CELF2: variants seen among roughly 807,000 people sequenced by gnomAD.
CELF2 encodes CUGBP Elav-like family member 2, also known as CUG triplet repeat RNA-binding protein 2.
Under a neutral mutation model 62.6 loss-of-function variants are expected in CELF2, and 8 were observed. The observed-to-expected ratio is 0.13, with a 90% CI of 0.07 to 0.23. CELF2 has a LOEUF of 0.23. Among genes scored for constraint, CELF2 ranks in the 10% least tolerant of loss-of-function variants. The pLI is 1.00. For synonymous variants in CELF2, 258 were observed against 250.0 expected (o/e 1.03, Z -0.30); for missense variants, 333 against 671.0 (o/e 0.50, Z 5.56).
intron 1 of CELF2, among the ~76,000 whole-genome samples, chr10:11,064,706 T>C (rs1189874518): frequency 6.6e-6 from 1 of 152,104 alleles, no homozygotes; most frequent in Non-Finnish European, 1.5e-5. Context: ...AATCTTGATA[T>C]ATAGAGCAGG....
chr10:10,955,407 G>A (rs1000705680), intron 2 of CELF2, among the ~76,000 whole-genome samples: 2 of 152,222 alleles, frequency 1.3e-5, no homozygotes, highest in Non-Finnish European at 2.9e-5. Flanking sequence ...GCCCAACCCA[G>A]ATCTATTGAA....
Position 11,128,798 on chromosome 10 carries a change from A to G in CELF2, c.75-36688A>G, listed in dbSNP as rs530474634. Among the ~76,000 whole-genome samples, 3 of 152,288 alleles carry G rather than the reference A, an allele frequency of 2.0e-5. No individual in the cohort carries two copies. The East Asian group carries it at 5.8e-4, about 29-fold the overall frequency. On this transcript the variant is annotated intron_variant, in intron 1 of 12. Coordinates refer to ENST00000633077, the MANE Select transcript of CELF2 (RefSeq NM_001326342.2). ...TTGGGCTGAGATGATGGGGTGTTCT[A>G]GATATACAATCATGTCGTCTGCAAA...
chr10:10,753,366 A>G, the CELF2 span, among the ~76,000 whole-genome samples: 322 of 151,196 alleles, frequency 2.1e-3, no homozygotes, highest in African/African-American at 7.4e-3. Context: ...TTGCTTCTCT[A>G]TTTGTGCGTG....
At chr10:10,696,938 GT>G in the CELF2 span, among the ~76,000 whole-genome samples, 1 of 152,144 alleles carries the variant, frequency 6.6e-6, no homozygotes, top group Non-Finnish European at 1.5e-5. Flanking sequence ...GAAATCACCC[GT>G]CTTCTGCGTC....
chr10:10,619,534 C>T, the CELF2 span, among the ~76,000 whole-genome samples: 2 of 152,152 alleles, frequency 1.3e-5, no homozygotes, highest in Admixed American at 6.6e-5. Flanking sequence ...CAAAGATGGA[C>T]GTGGAGGTCT....
intron 1 of CELF2, among the ~76,000 whole-genome samples, chr10:10,912,225 C>T (rs757192752): frequency 3.0e-4 from 46 of 152,268 alleles, no homozygotes; most frequent in Non-Finnish European, 4.6e-4. Flanking sequence ...CCAGGACCAC[C>T]CTGCATAAAA....
intron 1 of CELF2, among the ~76,000 whole-genome samples, chr10:10,834,339 C>G (rs1053902065): frequency 6.6e-6 from 1 of 151,992 alleles, no homozygotes; most frequent in African/African-American, 2.4e-5. Context: ...GGGAGAGGCT[C>G]AGGAAAAATA....
At chr10:10,608,042 C>T in the CELF2 span, among the ~76,000 whole-genome samples, 1 of 152,148 alleles carries the variant, frequency 6.6e-6, no homozygotes, top group East Asian at 1.9e-4. Flanking sequence ...GCAGGTGAAT[C>T]ACTTGAACCC....
intron 3 of CELF2, among the ~76,000 whole-genome samples, chr10:11,236,731 C>T (rs1458790383): frequency 6.6e-6 from 1 of 152,134 alleles, no homozygotes; most frequent in Non-Finnish European, 1.5e-5. Context: ...ACAGCAATTA[C>T]CCAACCTAAC....
At chr10:10,608,482 T>C in the CELF2 span, among the ~76,000 whole-genome samples, 2 of 152,238 alleles carry the variant, frequency 1.3e-5, no homozygotes, top group African/African-American at 4.8e-5. Flanking sequence ...CAGATGTCTC[T>C]GTTGTTTCCT....
intron 1 of CELF2, among the ~76,000 whole-genome samples, chr10:11,060,136 G>C (rs886469521): frequency 6.6e-6 from 1 of 152,178 alleles, no homozygotes; most frequent in Non-Finnish European, 1.5e-5. Flanking sequence ...AGTCTAGTTT[G>C]TCCCACCAAG....
At chr10:11,089,015 AG>A (rs2047578682) in intron 1 of CELF2, among the ~76,000 whole-genome samples, 1 of 152,134 alleles carries the variant, frequency 6.6e-6, no homozygotes, top group African/African-American at 2.4e-5. Flanking sequence ...GAGCTTCTGT[AG>A]GGGGGAGCCT....
At chr10:10,945,648 C>T (rs565548436) in intron 2 of CELF2, among the ~76,000 whole-genome samples, 6 of 152,252 alleles carry the variant, frequency 3.9e-5, no homozygotes, top group East Asian at 1.9e-4. Context: ...TCAGTGGAGG[C>T]GGCCAGAGCT....
chr10:10,979,940 A>G (rs570735353), intron 2 of CELF2, among the ~76,000 whole-genome samples: 1 of 152,346 alleles, frequency 6.6e-6, no homozygotes, highest in Admixed American at 6.5e-5. Context: ...TAGCATGTTT[A>G]TTTTAAGAAA....
chr10:11,067,907 C>T (rs903538485), intron 1 of CELF2, among the ~76,000 whole-genome samples: 3 of 152,208 alleles, frequency 2.0e-5, no homozygotes, highest in Non-Finnish European at 2.9e-5. Context: ...TAAAACAGAA[C>T]ATTGAACATA....
the CELF2 span, among the ~76,000 whole-genome samples, chr10:10,552,814 A>C: frequency 2.0e-5 from 3 of 152,196 alleles, no homozygotes; most frequent in Non-Finnish European, 2.9e-5. Flanking sequence ...CTGCTATAAC[A>C]AAACACCGCA....
the CELF2 span, among the ~76,000 whole-genome samples, chr10:10,623,065 G>A: frequency 1.0e-4 from 12 of 114,810 alleles, no homozygotes; most frequent in African/African-American, 2.7e-4. Context: ...CAACCTGGGC[G>A]ACAGAGAGAG....
At chr10:10,800,527 A>G (rs1391415888) in intron 1 of CELF2, among the ~76,000 whole-genome samples, 1 of 151,992 alleles carries the variant, frequency 6.6e-6, no homozygotes, top group Non-Finnish European at 1.5e-5. Context: ...AATTTTTTCT[A>G]TTTTTAGTAG....
intron 2 of CELF2, among the ~76,000 whole-genome samples, chr10:10,952,460 G>A (rs1455712748): frequency 6.6e-6 from 1 of 152,196 alleles, no homozygotes; most frequent in Non-Finnish European, 1.5e-5. Flanking sequence ...GACAGTGAGC[G>A]AGCAAGGAAG....
Sources: gnomAD v4.1 joint callset for allele counts (sites outside exome capture counted in the v4.1 genomes callset) on GRCh38, gnomAD v4.1.1 for gene constraint, MANE v1.5 for transcripts, NCBI Gene and HGNC (gene_info 2026-07-23, HGNC 2026-07-21) for gene names.